The following NRP1 variants were observed in gnomAD, a reference collection of about 807,000 sequenced individuals.
The protein encoded by NRP1 is neuropilin 1.
In NRP1, 35 loss-of-function variants were observed where a neutral mutation model predicts 106.7. That is an observed-to-expected ratio of 0.33 (90% confidence interval 0.25 to 0.43). NRP1 has a LOEUF of 0.43. NRP1 is among the 20% of genes least tolerant of loss of function. The pLI, the probability that NRP1 is intolerant of heterozygous loss-of-function variation, is 1.00. For synonymous variants in NRP1, 437 were observed against 417.9 expected, an observed-to-expected ratio of 1.05 and a Z score of -0.56; for missense variants, 1,024 against 1,170.4, an observed-to-expected ratio of 0.87 and a Z score of 1.83.
intron 2 of NRP1, among the ~76,000 whole-genome samples, chr10:33,315,779 C>A (rs556211117): frequency 7.9e-5 from 12 of 152,290 alleles, no homozygotes; most frequent in African/African-American, 2.9e-4. Flanking sequence ...AAGGAAGCAT[C>A]ATTTCAGGTA....
At chr10:33,329,617 TA>T (rs2132959373) in intron 2 of NRP1, among the ~76,000 whole-genome samples, 1 of 152,360 alleles carries the variant, frequency 6.6e-6, no homozygotes, top group Non-Finnish European at 1.5e-5. Context: ...TGACCCACTT[TA>T]AAACTTGTGA....
intron 6 of NRP1, among the ~76,000 whole-genome samples, chr10:33,237,057 C>T (rs1038206464): frequency 1.3e-5 from 2 of 151,950 alleles, no homozygotes; most frequent in Non-Finnish European, 2.9e-5. Flanking sequence ...ACTATGGAGC[C>T]CAGAGTGTCT....
At chr10:33,238,621 C>T (rs1840762639) in intron 6 of NRP1, among the ~76,000 whole-genome samples, 1 of 152,140 alleles carries the variant, frequency 6.6e-6, no homozygotes, top group South Asian at 2.1e-4. Context: ...AGAGAGAAAA[C>T]TGGGGTGATG....
At chr10:33,297,430 C>T (rs958663866) in intron 2 of NRP1, among the ~76,000 whole-genome samples, 1 of 152,116 alleles carries the variant, frequency 6.6e-6, no homozygotes, top group Admixed American at 6.5e-5. Context: ...TCACGCCTCT[C>T]ATCCCAGCAA....
intron 3 of NRP1, among the ~76,000 whole-genome samples, chr10:33,268,118 G>A (rs10740868): frequency 0.52 from 78,700 of 152,032 alleles, 21,100 homozygotes; most frequent in African/African-American, 0.65. Flanking sequence ...GCTTTTGAGG[G>A]AAAAACATTC....
At chr10:33,196,355 C>A (rs116666642) in intron 12 of NRP1, among the ~76,000 whole-genome samples, 1 of 152,082 alleles carries the variant, frequency 6.6e-6, no homozygotes, top group African/African-American at 2.4e-5. Flanking sequence ...CTTCCCTATC[C>A]CAGAAAGGAC....
At position 33,263,695 on chromosome 10, in the gene NRP1, C is replaced by A. The variant is rs748335185; in HGVS notation, c.609G>T (p.Gly203=). 5 of 1,613,934 alleles carry A rather than the reference C, an allele frequency of 3.1e-6. No individual in the cohort carries two copies. The South Asian group carries it at 3.3e-5, about 11-fold the overall frequency. The change falls in exon 4 of 17, where the codon GGG becomes GGT. Residue 203 remains glycine, a synonymous_variant. Coordinates refer to ENST00000374867, the MANE Select transcript of NRP1 (RefSeq NM_003873.7). ...CTAGCCGGTCGTAGCGACAGAACATCCCCCCTGGAGGATTTGAGTCAGGCT... is the reference window on the plus strand; with the variant it reads ...CTAGCCGGTCGTAGCGACAGAACATACCCCCTGGAGGATTTGAGTCAGGCT... ...DLEPDSNPPG[G]MFCRYDRLEI... is the part of the protein sequence containing the mutation.
intron 2 of NRP1, among the ~76,000 whole-genome samples, chr10:33,318,877 T>C (rs1847231708): frequency 6.6e-6 from 1 of 151,504 alleles, no homozygotes; most frequent in Admixed American, 6.6e-5. Flanking sequence ...CTGAAATATG[T>C]TCCAAACATC....
At chr10:33,307,705 A>G (rs1377631644) in intron 2 of NRP1, among the ~76,000 whole-genome samples, 3 of 152,222 alleles carry the variant, frequency 2.0e-5, no homozygotes, top group African/African-American at 7.2e-5. Context: ...TGTTCATTCC[A>G]TCATAATTTA....
rs1273561813 is a variant in NRP1 at position 33,192,263 on chromosome 10, A to G, written c.2062+18T>C. 1 of 1,606,686 alleles carries G rather than the reference A, an allele frequency of 6.2e-7. No individual in the cohort carries two copies. The highest frequency in any genetic ancestry group is 1.3e-5 in the African/African-American group (1 of 74,652). On this transcript the variant is annotated intron_variant, in intron 13 of 16. Coordinates refer to ENST00000374867, the MANE Select transcript of NRP1 (RefSeq NM_003873.7). Reference sequence around the variant, plus strand: ...GAGAATCTGCAAAGCCATGCAGCCGAAGTGAACTCTGTGATACCTGTGTGA... The same window carrying G: ...GAGAATCTGCAAAGCCATGCAGCCGGAGTGAACTCTGTGATACCTGTGTGA...
chr10:33,228,617 A>G (rs932936220), intron 6 of NRP1, among the ~76,000 whole-genome samples: 1 of 152,194 alleles, frequency 6.6e-6, no homozygotes, highest in African/African-American at 2.4e-5. Flanking sequence ...CGCTTGGAGT[A>G]GTTAAATCAA....
At chr10:33,302,181 A>G (rs549194412) in intron 2 of NRP1, among the ~76,000 whole-genome samples, 3 of 152,378 alleles carry the variant, frequency 2.0e-5, no homozygotes, top group African/African-American at 7.2e-5. Flanking sequence ...ATTATAACAA[A>G]CACACATACA....
At chr10:33,278,076 C>A (rs552737499) in intron 2 of NRP1, among the ~76,000 whole-genome samples, 4 of 152,248 alleles carry the variant, frequency 2.6e-5, no homozygotes, top group South Asian at 2.1e-4. Flanking sequence ...CTATACTTTG[C>A]GATGTGTTTA....
chr10:33,267,802 G>T lies in NRP1; in HGVS notation c.430+2873C>A, dbSNP rs539380034. On this transcript the variant is annotated intron_variant, in intron 3 of 16. Coordinates refer to ENST00000374867, the MANE Select transcript of NRP1 (RefSeq NM_003873.7). Reference sequence around the variant, plus strand: ...AAGAGACATGTAGAAGGAAAAGAGGGGCTCTTAGGAGGAGAATTAGGGCGG... The same window carrying T: ...AAGAGACATGTAGAAGGAAAAGAGGTGCTCTTAGGAGGAGAATTAGGGCGG... 3.9e-5 allele frequency among the ~76,000 whole-genome samples: 6 copies of T among 152,258 alleles called. No individual in the cohort carries two copies. The South Asian group carries it at 1.0e-3, about 26-fold the overall frequency.
At chr10:33,328,937 C>T (rs1300662761) in intron 2 of NRP1, among the ~76,000 whole-genome samples, 1 of 152,162 alleles carries the variant, frequency 6.6e-6, no homozygotes, top group Non-Finnish European at 1.5e-5. Context: ...TGAATTCTAA[C>T]AGCACTTTAT....
intron 3 of NRP1, among the ~76,000 whole-genome samples, chr10:33,267,693 G>T (rs78483727): frequency 6.6e-6 from 1 of 152,084 alleles, no homozygotes; most frequent in African/African-American, 2.4e-5. Flanking sequence ...GAGATCAGTG[G>T]GGAGGCTTGA....
At chr10:33,288,703 T>A (rs556212364) in intron 2 of NRP1, 7 of 152,332 alleles carry the variant, frequency 4.6e-5, no homozygotes, top group African/African-American at 1.7e-4. Flanking sequence ...TTCTTTTTTC[T>A]TATTGCTGCT....
intron 6 of NRP1, among the ~76,000 whole-genome samples, chr10:33,239,557 A>T (rs1840850286): frequency 6.6e-6 from 1 of 152,192 alleles, no homozygotes; most frequent in African/African-American, 2.4e-5. Flanking sequence ...ATTACAATAA[A>T]TCATAAACTT....
Position 33,178,069 on chromosome 10 carries a change from AAATG to A in NRP1, c.*2003_*2006del, listed in dbSNP as rs1449032967. 6.6e-6 allele frequency: 1 copy of A among 152,646 alleles called. No individual in the cohort carries two copies. The highest frequency in any genetic ancestry group is 2.4e-5 in the African/African-American group (1 of 41,454). The allele number at this position is 152,646 out of a possible 1,614,324, so 9.5% of individuals were successfully genotyped here. ...TCCTTCTGGTAGGATTATATCAACT[AAATG>A]AATGTCTCTGGGGACAAAAAACTAT... On this transcript the variant is annotated 3_prime_UTR_variant, in exon 17 of 17. Transcript: ENST00000374867.
Sources: allele counts gnomAD v4.1 joint callset (sites outside exome capture counted in the v4.1 genomes callset), GRCh38; gene constraint gnomAD v4.1.1; transcripts MANE v1.5; gene names NCBI Gene and HGNC (gene_info 2026-07-23, HGNC 2026-07-21).